Variants in ODF2L observed in about 807,000 individuals in gnomAD.
ODF2L encodes the protein outer dense fiber of sperm tails 2 like, also known as protein BCAP.
In ODF2L, 76 loss-of-function variants were observed where a neutral mutation model predicts 86.3. The observed-to-expected ratio is 0.88, with a 90% CI of 0.73 to 1.07. The LOEUF is 1.07. Ranked by LOEUF, ODF2L falls within the 50% of genes least tolerant of loss-of-function variation. The pLI is 0.00. For synonymous variants in ODF2L, 241 were observed against 231.3 expected (o/e 1.04, Z -0.38); for missense variants, 748 against 717.4 (o/e 1.04, Z -0.49).
chr1:86,374,712 A>T (rs1166500749), intron 8 of ODF2L, among the ~76,000 whole-genome samples: 1 of 152,320 alleles, frequency 6.6e-6, no homozygotes, highest in Admixed American at 6.5e-5. Flanking sequence ...TTGAAACTGC[A>T]TGTGAATTAG....
chr1:86,383,080 T>C, intron 5 of ODF2L, 54 bp downstream of exon 5: 3 of 1,308,158 alleles, frequency 2.3e-6, no homozygotes, highest in Non-Finnish European at 3.3e-6. Context: ...CCAAGCAGCA[T>C]GCAAATAACA....
intron 11 of ODF2L, among the ~76,000 whole-genome samples, chr1:86,363,855 G>C (rs946260516): frequency 6.6e-6 from 1 of 151,862 alleles, no homozygotes; most frequent in African/African-American, 2.4e-5. Context: ...TAATAGAGGA[G>C]GTTACTCGGC....
At chr1:86,381,259 T>C (rs1237301410) in intron 7 of ODF2L, among the ~76,000 whole-genome samples, 1 of 152,148 alleles carries the variant, frequency 6.6e-6, no homozygotes, top group Non-Finnish European at 1.5e-5. Context: ...TTAAGATAAA[T>C]TGGGAAAGAT....
intron 1 of ODF2L, among the ~76,000 whole-genome samples, chr1:86,395,031 GACGGGGTTTC>G (rs765036583): frequency 1.3e-5 from 2 of 152,002 alleles, no homozygotes; most frequent in Non-Finnish European, 2.9e-5. Context: ...TTTTAGTAGA[GACGGGGTTTC>G]ACCGTGTTGG....
chr1:86,357,895 G>A (rs1228909087), intron 13 of ODF2L: 1 of 984,908 alleles, frequency 1.0e-6, no homozygotes, highest in Non-Finnish European at 1.2e-6. Context: ...AGCAGAAAAG[G>A]AGACATTTGC....
At chr1:86,381,701 A>T (rs1033450449) in intron 7 of ODF2L, among the ~76,000 whole-genome samples, 6 of 152,136 alleles carry the variant, frequency 3.9e-5, no homozygotes, top group African/African-American at 1.4e-4. Context: ...AAGAATAATT[A>T]AACCAAAAAA....
chr1:86,369,232 A>G (rs1304887788), intron 10 of ODF2L, among the ~76,000 whole-genome samples: 2 of 152,194 alleles, frequency 1.3e-5, no homozygotes, highest in Non-Finnish European at 2.9e-5. Flanking sequence ...TTCTTGAAGG[A>G]AAAAATTCTA....
At chr1:86,352,295 C>T in intron 17 of ODF2L, 2 of 1,363,176 alleles carry the variant, frequency 1.5e-6, no homozygotes, top group South Asian at 3.7e-5. Context: ...TGCTAGCTTT[C>T]AGAATATTCT....
chr1:86,348,842 G>C (rs749360046), downstream of ODF2L: 12 of 1,557,836 alleles, frequency 7.7e-6, no homozygotes, highest in African/African-American at 1.5e-4. Context: ...AGACTATTTT[G>C]TACTTCTTTC....
intron 8 of ODF2L, 76 bp downstream of exon 8, chr1:86,376,157 T>G (rs561810448): frequency 2.7e-6 from 2 of 751,590 alleles, no homozygotes; most frequent in East Asian, 2.7e-5. Flanking sequence ...ATTACTATAT[T>G]AAGCATCATG....
At chr1:86,384,542 G>A (rs1033274290) in intron 4 of ODF2L, 134 bp downstream of exon 4, 72 of 449,236 alleles carry the variant, frequency 1.6e-4, no homozygotes, top group African/African-American at 1.2e-3. Context: ...CTAAAGGTGG[G>A]GATTAATGAC....
At chr1:86,372,341 T>C (rs879485198) in intron 9 of ODF2L, 90 bp downstream of exon 9, 5 of 573,880 alleles carry the variant, frequency 8.7e-6, no homozygotes, top group Non-Finnish European at 1.4e-5. Context: ...ATATGTAATC[T>C]AAAAAAAATC....
chr1:86,367,336 G>A (rs1659510113), intron 11 of ODF2L, among the ~76,000 whole-genome samples: 1 of 152,138 alleles, frequency 6.6e-6, no homozygotes. Flanking sequence ...ATTAGTTGCA[G>A]ATATATTCCA....
exon 12 of ODF2L, chr1:86,360,516 C>T (rs745648831): frequency 1.3e-6 from 2 of 1,588,608 alleles, no homozygotes; most frequent in Non-Finnish European, 1.7e-6. Context: ...CAACTTCATC[C>T]TTCAAAGCAG....
intron 7 of ODF2L, among the ~76,000 whole-genome samples, chr1:86,381,336 T>C (rs137955533): frequency 3.7e-4 from 57 of 152,270 alleles, no homozygotes; most frequent in African/African-American, 1.3e-3. Flanking sequence ...GTATTTACTA[T>C]GACAGACCAC....
exon 16 of ODF2L, chr1:86,354,673 C>T (rs370305366): frequency 2.1e-5 from 33 of 1,609,236 alleles, no homozygotes; most frequent in Middle Eastern, 1.6e-4. Flanking sequence ...TTATTTTCTG[C>T]GTCCATCTGT....
intron 11 of ODF2L, among the ~76,000 whole-genome samples, chr1:86,364,486 C>A (rs1360912407): frequency 6.6e-6 from 1 of 152,140 alleles, no homozygotes; most frequent in Non-Finnish European, 1.5e-5. Context: ...ATGCAGAAAA[C>A]ATAAAACAAT....
chr1:86,358,176 G>A (rs971413696), intron 13 of ODF2L: 2 of 665,506 alleles, frequency 3.0e-6, no homozygotes, highest in East Asian at 2.7e-4. Context: ...AACATCGCAT[G>A]ACCTCTGCTG....
At chr1:86,395,118 C>A (rs1235619691) in intron 1 of ODF2L, among the ~76,000 whole-genome samples, 1 of 152,198 alleles carries the variant, frequency 6.6e-6, no homozygotes, top group Non-Finnish European at 1.5e-5. Context: ...GCTGGGATTA[C>A]AGGCGTGAGC....
Sources: allele counts gnomAD v4.1 joint callset (sites outside exome capture counted in the v4.1 genomes callset), GRCh38; gene constraint gnomAD v4.1.1; transcripts MANE v1.5; gene names NCBI Gene and HGNC (gene_info 2026-07-23, HGNC 2026-07-21).